PSMA6: variants seen among roughly 807,000 people sequenced by gnomAD.
PSMA6 encodes the protein proteasome subunit alpha type-6.
For synonymous variants in PSMA6, 88 were observed against 97.7 expected (o/e 0.90, Z 0.59); for missense variants, 170 against 294.8 (o/e 0.58, Z 3.10).
At chr14:35,306,665 C>A (rs2051833224) in intron 1 of PSMA6, among the ~76,000 whole-genome samples, 1 of 152,118 alleles carries the variant, frequency 6.6e-6, no homozygotes, top group Non-Finnish European at 1.5e-5. Flanking sequence ...CAAGATCATG[C>A]CACTGCACTC....
At position 35,310,769 on chromosome 14, in the gene PSMA6, C is replaced by T. The variant is rs1395462085; in HGVS notation, c.283C>T (p.Arg95Cys). Residue 95 changes from arginine (R) to cysteine (C), a missense_variant, in exon 4 of 7, where the codon CGC (arginine) becomes TGC (cysteine). Arg to Cys is a radical substitution (Grantham distance 180). Transcript: ENST00000261479. The stretch of plus-strand genomic sequence containing the variant: ...CAGCAGATCCCAGGTACAGAGGGCA[C>T]GCTATGAGGCAGCTAACTGGAAATA... ...ADSRSQVQRA[R>C]YEAANWKYKY... The T allele has an allele frequency of 6.2e-7, 1 of 1,612,268 alleles. No individual in the cohort carries two copies. The highest frequency in any genetic ancestry group is 8.5e-7 in the Non-Finnish European group (1 of 1,179,798).
At chr14:35,316,538 T>C (rs1196409349) in intron 6 of PSMA6, 2 of 152,142 alleles carry the variant, frequency 1.3e-5, no homozygotes, top group Non-Finnish European at 2.9e-5. Flanking sequence ...ATTTTTATCT[T>C]TGAGCTGACA....
chr14:35,302,145 T>G (rs531119564), intron 1 of PSMA6, among the ~76,000 whole-genome samples: 12 of 152,276 alleles, frequency 7.9e-5, no homozygotes, highest in African/African-American at 2.6e-4. Flanking sequence ...ATAGATATAT[T>G]TTGGGGATGC....
chr14:35,304,706 G>C (rs887747430), intron 1 of PSMA6, among the ~76,000 whole-genome samples: 1 of 146,946 alleles, frequency 6.8e-6, no homozygotes, highest in South Asian at 2.2e-4. Context: ...CAACCTGGGC[G>C]ACAGAGTGAA....
intron 1 of PSMA6, among the ~76,000 whole-genome samples, chr14:35,305,927 T>G (rs1177804357): frequency 1.3e-5 from 2 of 151,810 alleles, no homozygotes; most frequent in East Asian, 3.9e-4. Flanking sequence ...TATTTTTAAC[T>G]AAAAATAAAA....
intron 1 of PSMA6, among the ~76,000 whole-genome samples, chr14:35,282,191 A>T (rs144576111): frequency 2.6e-5 from 4 of 152,282 alleles, no homozygotes; most frequent in African/African-American, 9.6e-5. Context: ...CAATAATGAA[A>T]TTGGAAGTAA....
intron 1 of PSMA6, among the ~76,000 whole-genome samples, chr14:35,304,507 A>G (rs1339534262): frequency 6.6e-6 from 1 of 152,038 alleles, no homozygotes; most frequent in Admixed American, 6.6e-5. Context: ...AGGTGGGTGT[A>G]CTACCTGAGG....
chr14:35,299,574 G>A lies in PSMA6; in HGVS notation c.76+7022G>A, dbSNP rs376737845. 2.7e-3 allele frequency among the ~76,000 whole-genome samples: 411 copies of A among 150,426 alleles called. 2 individuals carry two copies. The highest frequency in any genetic ancestry group is 9.2e-3 in the African/African-American group (378 of 40,896). On this transcript the variant is annotated intron_variant, in intron 1 of 6. Coordinates refer to ENST00000261479, the MANE Select transcript of PSMA6 (RefSeq NM_002791.3). ...TGACCTCAAGTGATCCACCCGCCTC[G>A]GCCTCCCAAAGTGCTGGGATTACAG... is the stretch of plus-strand genomic sequence containing the variant.
At chr14:35,297,042 T>C (rs1483813894) in intron 1 of PSMA6, among the ~76,000 whole-genome samples, 2 of 143,534 alleles carry the variant, frequency 1.4e-5, no homozygotes, top group South Asian at 2.2e-4. Flanking sequence ...CACTTTATAG[T>C]GAACCACACA....
intron 1 of PSMA6, 59 bp from the exon 2 acceptor site, chr14:35,307,935 T>C: frequency 6.7e-7 from 1 of 1,503,042 alleles, no homozygotes; most frequent in South Asian, 1.1e-5. Flanking sequence ...GACTATTATT[T>C]CATTGCAAGA....
intron 3 of PSMA6, 77 bp from the exon 4 acceptor site, chr14:35,310,663 T>G: frequency 6.8e-7 from 1 of 1,481,106 alleles, no homozygotes. Flanking sequence ...GTGGGAAAAT[T>G]GCCTGGCTAA....
chr14:35,288,778 C>T, upstream of PSMA6, among the ~76,000 whole-genome samples: 1 of 152,026 alleles, frequency 6.6e-6, no homozygotes, highest in East Asian at 1.9e-4. Context: ...TTGAAATATC[C>T]CATCACAGGC....
At chr14:35,291,693 C>A (rs1393744311), upstream of PSMA6, among the ~76,000 whole-genome samples, 1 of 152,062 alleles carries the variant, frequency 6.6e-6, no homozygotes, top group East Asian at 1.9e-4. Flanking sequence ...CCTGGTGGCA[C>A]ACGCCTATAA....
intron 1 of PSMA6, among the ~76,000 whole-genome samples, chr14:35,303,144 G>T (rs2051749088): frequency 6.6e-6 from 1 of 152,100 alleles, no homozygotes; most frequent in Non-Finnish European, 1.5e-5. Flanking sequence ...TGAAGACTGT[G>T]GATTCTGTTA....
At chr14:35,289,554 G>A (rs2051455225), upstream of PSMA6, among the ~76,000 whole-genome samples, 1 of 151,896 alleles carries the variant, frequency 6.6e-6, no homozygotes, top group Non-Finnish European at 1.5e-5. Context: ...TCGCCAGGGT[G>A]GTCTTTAACT....
chr14:35,303,554 C>G (rs548129926), intron 1 of PSMA6, among the ~76,000 whole-genome samples: 1 of 152,288 alleles, frequency 6.6e-6, no homozygotes, highest in South Asian at 2.1e-4. Context: ...GTTGACTTCC[C>G]CTCTAGAATC....
chr14:35,312,903 T>C lies in PSMA6; in HGVS notation c.432T>C (p.Asp144=), dbSNP rs2051971895. ...LGCCMILIGI[D]EEQGPQVYKC... ...TAGGTATGATTTTAATTGGTATAGA[T>C]GAAGAGCAAGGCCCTCAGGTATATA... The change falls in exon 5 of 7, where the codon GAT becomes GAC. Residue 144 remains aspartate, a synonymous_variant. Coordinates refer to ENST00000261479, the MANE Select transcript of PSMA6 (RefSeq NM_002791.3). 6.3e-7 allele frequency: 1 copy of C among 1,593,940 alleles called. No homozygotes were observed. The highest frequency in any genetic ancestry group is 8.5e-7 in the Non-Finnish European group (1 of 1,173,026).
intron 1 of PSMA6, among the ~76,000 whole-genome samples, chr14:35,295,808 T>G (rs1018468891): frequency 6.6e-6 from 1 of 152,206 alleles, no homozygotes; most frequent in Non-Finnish European, 1.5e-5. Flanking sequence ...TGTATTCATT[T>G]GTTAAAAATT....
chr14:35,311,356 G>A (rs1324922053), intron 4 of PSMA6, among the ~76,000 whole-genome samples: 1 of 152,128 alleles, frequency 6.6e-6, no homozygotes, highest in African/African-American at 2.4e-5. Context: ...ATTGGGAGAG[G>A]GATGAGATTT....
Sources: allele counts gnomAD v4.1 joint callset (sites outside exome capture counted in the v4.1 genomes callset), GRCh38; gene constraint gnomAD v4.1.1; transcripts MANE v1.5; gene names NCBI Gene and HGNC (gene_info 2026-07-23, HGNC 2026-07-21).